The following LRRTM3 variants were observed in gnomAD, a reference collection of about 807,000 sequenced individuals.
LRRTM3 encodes the protein leucine-rich repeat transmembrane neuronal protein 3.
In LRRTM3, 24 loss-of-function variants were observed where a neutral mutation model predicts 44.7. The observed-to-expected ratio is 0.54, with a 90% confidence interval of 0.39 to 0.76. LRRTM3 has a LOEUF of 0.76. Ranked by LOEUF, LRRTM3 falls within the 30% of genes least tolerant of loss-of-function variation. The pLI, the probability that LRRTM3 is intolerant of heterozygous loss-of-function variation, is 0.00. For synonymous variants in LRRTM3, 277 were observed against 278.7 expected, an observed-to-expected ratio of 0.99 and a Z score of 0.06; for missense variants, 587 against 702.2, an observed-to-expected ratio of 0.84 and a Z score of 1.85.
chr10:66,975,865 A>G (rs930992716), intron 2 of LRRTM3, among the ~76,000 whole-genome samples: 2 of 152,318 alleles, frequency 1.3e-5, no homozygotes, highest in Non-Finnish European at 2.9e-5. Context: ...CTGACCAAAA[A>G]TCTTGGTCTT....
chr10:67,075,549 T>C (rs1466625984), intron 2 of LRRTM3, among the ~76,000 whole-genome samples: 1 of 152,224 alleles, frequency 6.6e-6, no homozygotes, highest in African/African-American at 2.4e-5. Context: ...TACTTGCAGT[T>C]CTGCCAATGT....
intron 2 of LRRTM3, among the ~76,000 whole-genome samples, chr10:67,043,131 CTTTCTTTTT>C (rs1854509561): frequency 1.7e-5 from 1 of 60,210 alleles, no homozygotes. Context: ...GGCTCACTTT[CTTTCTTTTT>C]TTTTTTTTTT....
At chr10:66,956,230 T>C (rs1916389) in intron 2 of LRRTM3, among the ~76,000 whole-genome samples, 25,387 of 150,816 alleles carry the variant, frequency 0.17, 2,261 homozygotes, top group Middle Eastern at 0.19. Context: ...GTGGCTGTCT[T>C]GTGCAAATCT....
intron 2 of LRRTM3, among the ~76,000 whole-genome samples, chr10:67,067,752 G>GTCATTCATTCATTATTTTAT (rs1856180504): frequency 1.3e-5 from 2 of 152,168 alleles, no homozygotes; most frequent in Non-Finnish European, 2.9e-5. Context: ...CATTTATGCA[G>GTCATTCATTCATTATTTTAT]TCATTCATTC....
chr10:67,080,453 A>G (rs1480265519), intron 2 of LRRTM3, among the ~76,000 whole-genome samples: 1 of 152,188 alleles, frequency 6.6e-6, no homozygotes, highest in Admixed American at 6.5e-5. Flanking sequence ...TCCCACTTAG[A>G]ATGTTAGGTC....
At chr10:66,996,869 G>A (rs1423924071) in intron 2 of LRRTM3, among the ~76,000 whole-genome samples, 1 of 152,052 alleles carries the variant, frequency 6.6e-6, no homozygotes, top group African/African-American at 2.4e-5. Context: ...ACTAACATCT[G>A]TAAATGTTCA....
intron 2 of LRRTM3, among the ~76,000 whole-genome samples, chr10:66,947,089 T>C (rs182454154): frequency 1.3e-5 from 2 of 152,306 alleles, no homozygotes; most frequent in East Asian, 1.9e-4. Flanking sequence ...GCCTTCTTTC[T>C]GTCTCTGGCC....
intron 2 of LRRTM3, among the ~76,000 whole-genome samples, chr10:67,030,646 C>T (rs938565765): frequency 6.6e-6 from 1 of 151,946 alleles, no homozygotes; most frequent in African/African-American, 2.4e-5. Flanking sequence ...ATTTGTTTAT[C>T]ACCATTATTA....
Position 66,928,105 on chromosome 10 carries a change from C to T in LRRTM3, c.1189C>T (p.Pro397Ser), listed in dbSNP as rs897605590. 3.7e-6 allele frequency: 6 copies of T among 1,614,094 alleles called. No homozygotes were observed. In the South Asian group the frequency reaches 5.5e-5, roughly 15 times the overall value. Residue 397 changes from proline (P) to serine (S), a missense_variant, in exon 2 of 3, where the codon CCG becomes TCG. Physicochemically the swap from Pro to Ser is moderately conservative, Grantham distance 74. Transcript: ENST00000361320. The part of the protein sequence containing the change: ...PKHESKPPLP[P>S]TVGATEPGPE... ...GCATGAGAGCAAACCCCCTTTGCCCCCGACGGTGGGAGCCACAGAGCCCGG... is the reference window on the plus strand; with the variant it reads ...GCATGAGAGCAAACCCCCTTTGCCCTCGACGGTGGGAGCCACAGAGCCCGG...
chr10:66,927,227 C>T lies in LRRTM3; in HGVS notation c.311C>T (p.Ala104Val), dbSNP rs1589435465. 6.2e-7 allele frequency: 1 copy of T among 1,614,124 alleles called. No homozygotes were observed. Among genetic ancestry groups the T allele is most frequent in the Non-Finnish European group, 8.5e-7 (1 of 1,180,028 alleles). Residue 104 changes from alanine to valine, a missense_variant, in exon 2 of 3, where the codon GCT becomes GTT. Physicochemically the swap from Ala to Val is moderately conservative, Grantham distance 64 (BLOSUM62 0). Around this residue, in one of 3 missense-constraint regions of LRRTM3, gnomAD observed 222 missense variants for 323.3 expected, o/e 0.69. Coordinates refer to ENST00000361320, the MANE Select transcript of LRRTM3 (RefSeq NM_178011.5). This position sits in a 1 kb window ranked among gnomAD's most constrained non-coding sequence, Gnocchi z 4.7. ...HNHISNIDEN[A>V]FNGIRRLKEL... ...CATATCAGCAATATTGACGAAAATG[C>T]TTTTAATGGAATACGCAGACTCAAA... is the stretch of plus-strand genomic sequence containing the variant.
At chr10:67,081,629 A>G (rs1857059360) in intron 2 of LRRTM3, among the ~76,000 whole-genome samples, 1 of 152,172 alleles carries the variant, frequency 6.6e-6, no homozygotes, top group Non-Finnish European at 1.5e-5. Context: ...GTATTCTCAT[A>G]TGTATACCTG....
intron 2 of LRRTM3, among the ~76,000 whole-genome samples, chr10:67,079,493 T>C (rs1856922583): frequency 6.6e-6 from 1 of 152,058 alleles, no homozygotes; most frequent in African/African-American, 2.4e-5. Context: ...GAGGAAACAA[T>C]AGAAAAGGCA....
intron 2 of LRRTM3, among the ~76,000 whole-genome samples, chr10:67,097,267 C>T (rs189666751): frequency 4.6e-5 from 7 of 152,022 alleles, no homozygotes; most frequent in Admixed American, 3.9e-4. Context: ...TCTAAAAACA[C>T]AATTATTTTC....
intron 2 of LRRTM3, among the ~76,000 whole-genome samples, chr10:66,968,477 G>T (rs1447464823): frequency 1.3e-5 from 2 of 151,434 alleles, no homozygotes; most frequent in Non-Finnish European, 2.9e-5. Flanking sequence ...ACCACATTTA[G>T]GAAAGACAAA....
chr10:66,981,183 C>CCT, intron 2 of LRRTM3, among the ~76,000 whole-genome samples: 1 of 152,282 alleles, frequency 6.6e-6, no homozygotes, highest in East Asian at 1.9e-4. Context: ...GGATTACAGG[C>CCT]GTGAGCCACC....
intron 2 of LRRTM3, among the ~76,000 whole-genome samples, chr10:66,984,676 C>G (rs1850628989): frequency 6.6e-6 from 1 of 152,058 alleles, no homozygotes; most frequent in Admixed American, 6.6e-5. Context: ...AATTTTCATT[C>G]CTTTATGCTT....
chr10:67,075,515 A>T (rs559810437), intron 2 of LRRTM3, among the ~76,000 whole-genome samples: 2 of 152,288 alleles, frequency 1.3e-5, no homozygotes, highest in African/African-American at 4.8e-5. Flanking sequence ...AATACTTAAG[A>T]TTCTCCAACG....
At chr10:67,023,092 T>G (rs900461625) in intron 2 of LRRTM3, among the ~76,000 whole-genome samples, 8 of 152,190 alleles carry the variant, frequency 5.3e-5, no homozygotes, top group Admixed American at 6.5e-5. Flanking sequence ...TGTATCTAAT[T>G]CAATGCCAAT....
intron 2 of LRRTM3, among the ~76,000 whole-genome samples, chr10:67,093,413 T>C (rs1564885956): frequency 6.6e-6 from 1 of 151,786 alleles, no homozygotes; most frequent in Non-Finnish European, 1.5e-5. Context: ...GGAGAGACCA[T>C]GTTAATAAAA....
Sources: allele counts gnomAD v4.1 joint callset (sites outside exome capture counted in the v4.1 genomes callset), GRCh38; gene constraint gnomAD v4.1.1; regional missense constraint gnomAD v4.1.1; non-coding constraint Gnocchi (gnomAD v3.1); transcripts MANE v1.5; gene names NCBI Gene and HGNC (gene_info 2026-07-23, HGNC 2026-07-21).